Variants in SLC24A3 observed in about 807,000 individuals in gnomAD.
SLC24A3 encodes solute carrier family 24 member 3.
In SLC24A3, 28 loss-of-function variants were observed where a neutral mutation model predicts 75.8. The observed-to-expected ratio is 0.37, with a 90% CI of 0.27 to 0.51. The LOEUF (loss-of-function observed/expected upper bound fraction) is 0.51. SLC24A3 is among the 20% of genes least tolerant of loss of function. The pLI is 0.94. For synonymous variants in SLC24A3, 372 were observed against 334.1 expected, an observed-to-expected ratio of 1.11 and a Z score of -1.24; for missense variants, 663 against 847.8, an observed-to-expected ratio of 0.78 and a Z score of 2.71.
intron 2 of SLC24A3, among the ~76,000 whole-genome samples, chr20:19,488,309 G>A (rs1032936327): frequency 2.0e-5 from 3 of 152,184 alleles, no homozygotes; most frequent in African/African-American, 7.2e-5. Context: ...CGCACATCAG[G>A]ATTGCACCTC....
intron 2 of SLC24A3, among the ~76,000 whole-genome samples, chr20:19,409,344 G>C (rs1226671943): frequency 6.6e-6 from 1 of 152,142 alleles, no homozygotes; most frequent in Non-Finnish European, 1.5e-5. Flanking sequence ...CAAAACATGA[G>C]TGCAGATGTT....
chr20:19,644,619 A>G (rs1274495534), intron 6 of SLC24A3, among the ~76,000 whole-genome samples: 1 of 152,180 alleles, frequency 6.6e-6, no homozygotes, highest in Non-Finnish European at 1.5e-5. Context: ...AACTGTAAAT[A>G]TAGCCAAATT....
intron 2 of SLC24A3, among the ~76,000 whole-genome samples, chr20:19,513,512 T>C (rs553849596): frequency 6.6e-6 from 1 of 152,358 alleles, no homozygotes; most frequent in African/African-American, 2.4e-5. Flanking sequence ...TTCCAGATCG[T>C]GGCTTCATTT....
chr20:19,453,826 C>T (rs1600235782), intron 2 of SLC24A3, among the ~76,000 whole-genome samples: 1 of 152,264 alleles, frequency 6.6e-6, no homozygotes, highest in Non-Finnish European at 1.5e-5. Context: ...GTGAGAACAA[C>T]GAGGACATCA....
intron 2 of SLC24A3, among the ~76,000 whole-genome samples, chr20:19,436,608 C>T (rs73900122): frequency 0.027 from 4,164 of 152,268 alleles, 165 homozygotes; most frequent in East Asian, 0.1. Context: ...ATCAGTCTTA[C>T]TCTCTTTTAC....
rs112129166 is a variant in SLC24A3 at position 19,565,611 on chromosome 20, A to T, written c.349-14389A>T. Among the ~76,000 whole-genome samples, 36 of 151,634 alleles carry T rather than the reference A, an allele frequency of 2.4e-4. 1 individual carries two copies. Among genetic ancestry groups the T allele is most frequent in the East Asian group, 1.4e-3 (7 of 5,118 alleles). On this transcript the variant is annotated intron_variant, in intron 3 of 16. Transcript: ENST00000328041. ...CTTATTGGTCCCCCATTGCATATGG[A>T]CTCTTATCTGAGGGTCTACTTCTGA...
intron 2 of SLC24A3, among the ~76,000 whole-genome samples, chr20:19,452,065 A>G (rs534403919): frequency 5.3e-5 from 8 of 152,336 alleles, no homozygotes; most frequent in African/African-American, 1.9e-4. Context: ...GCGAGAACAT[A>G]ATTCAAAAGA....
At chr20:19,282,538 C>G (rs915880158) in intron 2 of SLC24A3, among the ~76,000 whole-genome samples, 14 of 152,236 alleles carry the variant, frequency 9.2e-5, no homozygotes, top group Non-Finnish European at 7.3e-5. Flanking sequence ...CAAGGACTAG[C>G]CTGAAAAGGC....
At position 19,424,349 on chromosome 20, in the gene SLC24A3, A is replaced by G. The variant is rs80152166; in HGVS notation, c.272-91139A>G. On this transcript the variant is annotated intron_variant, in intron 2 of 16. Transcript: ENST00000328041. ...ATTGGTCTTCTCTTCCTCTCTGTAT[A>G]TTTTTGCCAAAACTTTGAAAATAGG... Among the ~76,000 whole-genome samples, 896 of 152,272 alleles carry G rather than the reference A, an allele frequency of 5.9e-3. 8 individuals carry two copies. Among genetic ancestry groups the G allele is most frequent in the African/African-American group, 0.021 (857 of 41,548 alleles).
intron 9 of SLC24A3, among the ~76,000 whole-genome samples, chr20:19,680,582 G>A (rs560477385): frequency 6.6e-5 from 10 of 152,286 alleles, no homozygotes; most frequent in African/African-American, 2.2e-4. Flanking sequence ...CTAATTCTAC[G>A]CTTCGTGTCT....
chr20:19,543,728 T>C (rs2030540693), intron 3 of SLC24A3, among the ~76,000 whole-genome samples: 1 of 152,134 alleles, frequency 6.6e-6, no homozygotes, highest in South Asian at 2.1e-4. Context: ...CAACCCCCAG[T>C]ATATACTGGT....
chr20:19,586,905 G>C (rs1380522165), intron 6 of SLC24A3, among the ~76,000 whole-genome samples: 1 of 152,172 alleles, frequency 6.6e-6, no homozygotes, highest in Non-Finnish European at 1.5e-5. Flanking sequence ...TCATGTCTTA[G>C]ATTTTGTGTA....
intron 7 of SLC24A3, among the ~76,000 whole-genome samples, 174 bp from the exon 8 acceptor site, chr20:19,665,690 G>C (rs368361933): frequency 1.8e-4 from 28 of 152,198 alleles, no homozygotes; most frequent in African/African-American, 6.7e-4. Flanking sequence ...GGCCAAACCA[G>C]TACAGAGGGA....
At chr20:19,532,737 C>T (rs1355347168) in intron 3 of SLC24A3, among the ~76,000 whole-genome samples, 1 of 152,186 alleles carries the variant, frequency 6.6e-6, no homozygotes, top group Admixed American at 6.5e-5. Context: ...CTTATTCCAC[C>T]CTGGCAACCC....
Position 19,568,258 on chromosome 20 carries a change from A to G in SLC24A3, c.349-11742A>G, listed in dbSNP as rs568788899. Among the ~76,000 whole-genome samples the G allele has an allele frequency of 2.4e-4, 37 of 152,336 alleles. No homozygotes were observed. The East Asian group carries it at 7.1e-3, about 29-fold the overall frequency. On this transcript the variant is annotated intron_variant, in intron 3 of 16. Transcript: ENST00000328041. ...CTCAAATGATTTAAAACAGAATTAC[A>G]TGTGAACCATCAATTCCACTTCTGG...
At chr20:19,520,677 G>C (rs1011356228) in intron 3 of SLC24A3, among the ~76,000 whole-genome samples, 10 of 152,130 alleles carry the variant, frequency 6.6e-5, no homozygotes, top group Non-Finnish European at 1.5e-4. Flanking sequence ...TTTGGTGTCT[G>C]CATGGTGAGG....
chr20:19,673,617 C>T lies in SLC24A3; in HGVS notation c.730C>T (p.Leu244Phe). 3.7e-6 allele frequency: 6 copies of T among 1,614,038 alleles called. No individual in the cohort carries two copies. Among genetic ancestry groups the T allele is most frequent in the Non-Finnish European group, 5.1e-6 (6 of 1,179,946 alleles). The change falls in exon 9 of 17, where the codon CTT becomes TTT. Residue 244 changes from leucine (L) to phenylalanine (F), a missense_variant. Around this residue, in one of 2 missense-constraint regions of SLC24A3, gnomAD observed 510 missense variants for 703.6 expected, o/e 0.72. Transcript: ENST00000328041. ...TACACACAGGTGGGAGTCTTTAGTC[C>T]TTGTGCTGATGTATCTTATCTACAT... Reference protein sequence around the residue: ...EKVSWWESLVLVLMYLIYIVI... With the variant: ...EKVSWWESLVFVLMYLIYIVI...
At chr20:19,487,163 C>T (rs1017799780) in intron 2 of SLC24A3, among the ~76,000 whole-genome samples, 20 of 152,154 alleles carry the variant, frequency 1.3e-4, no homozygotes, top group African/African-American at 4.8e-4. Context: ...TTAGCGTCTC[C>T]CATAGAGCTG....
At chr20:19,358,557 G>A (rs1212252848) in intron 2 of SLC24A3, among the ~76,000 whole-genome samples, 5 of 152,174 alleles carry the variant, frequency 3.3e-5, no homozygotes, top group African/African-American at 1.2e-4. Context: ...AAAGTGTCCA[G>A]TGATACTTAA....
Sources: allele counts gnomAD v4.1 joint callset (sites outside exome capture counted in the v4.1 genomes callset), GRCh38; gene constraint gnomAD v4.1.1; regional missense constraint gnomAD v4.1.1; transcripts MANE v1.5; gene names NCBI Gene and HGNC (gene_info 2026-07-23, HGNC 2026-07-21).